HSD17B11: variants seen among roughly 807,000 people sequenced by gnomAD.
HSD17B11 encodes the protein estradiol 17-beta-dehydrogenase 11.
Under a neutral mutation model 27.8 loss-of-function variants are expected in HSD17B11, and 22 were observed. That is an observed-to-expected ratio of 0.79 (90% CI 0.56 to 1.13). The LOEUF (loss-of-function observed/expected upper bound fraction) is 1.13. Among genes scored for constraint, HSD17B11 ranks in the 50% most tolerant of loss-of-function variants. The pLI is 0.00. For missense variants in HSD17B11, 314 were observed against 351.1 expected (o/e 0.89, Z 0.84); for synonymous variants, 117 against 132.8 (o/e 0.88, Z 0.82).
intron 1 of HSD17B11, chr4:87,387,037 C>T (rs1367458950): frequency 6.6e-6 from 1 of 152,196 alleles, no homozygotes; most frequent in Non-Finnish European, 1.5e-5. Context: ...ATGCCCACCG[C>T]CAGAAGGTAC....
rs750104409 is a variant in HSD17B11 at position 87,340,515 on chromosome 4, T to C, written c.787A>G (p.Ile263Val). The C allele has an allele frequency of 6.2e-7, 1 of 1,607,694 alleles. No individual in the cohort carries two copies. Among genetic ancestry groups the C allele is most frequent in the Non-Finnish European group, 8.5e-7 (1 of 1,175,950 alleles). ...EQKMIFIPSS[I>V]AFLTTLERIL... ...CTTTCCAATGTTGTTAAAAAAGCTATAGAAGATGGAATAAAAATCATCTTC... is the reference window on the plus strand; with the variant it reads ...CTTTCCAATGTTGTTAAAAAAGCTACAGAAGATGGAATAAAAATCATCTTC... Residue 263 changes from isoleucine to valine, a missense_variant, in exon 6 of 7, where the codon ATA (isoleucine) becomes GTA (valine). Physicochemically the swap from Ile to Val is conservative, Grantham distance 29 (BLOSUM62 3). Transcript: ENST00000358290.
rs143537950 is a variant in HSD17B11 at position 87,390,399 on chromosome 4, G to A, written c.210+462C>T. Among the ~76,000 whole-genome samples, 832 of 152,240 alleles carry A rather than the reference G, an allele frequency of 5.5e-3. 8 individuals carry two copies. Among genetic ancestry groups the A allele is most frequent in the African/African-American group, 0.019 (805 of 41,540 alleles). ...TCTCGATCTCCTGACCTCGCGATCCGCCTGCCTTGGACTCCCAAAGTGCTG... is the reference window on the plus strand; with the variant it reads ...TCTCGATCTCCTGACCTCGCGATCCACCTGCCTTGGACTCCCAAAGTGCTG... On this transcript the variant is annotated intron_variant, in intron 1 of 6. Coordinates refer to ENST00000358290, the MANE Select transcript of HSD17B11 (RefSeq NM_016245.5).
intron 2 of HSD17B11, among the ~76,000 whole-genome samples, chr4:87,376,503 CAAAA>C (rs70957230): frequency 0.054 from 3,387 of 63,162 alleles, 109 homozygotes; most frequent in African/African-American, 0.15. Context: ...GATTTCATCT[CAAAA>C]AAAAAAAAAA....
chr4:87,337,057 C>A lies in HSD17B11; in HGVS notation c.*219G>T. 2 of 436,260 alleles carry A rather than the reference C, an allele frequency of 4.6e-6. No homozygotes were observed. The highest frequency in any genetic ancestry group is 4.0e-6 in the Non-Finnish European group (1 of 248,886). 27.0% of individuals were successfully genotyped at this position (436,260 alleles called of 1,614,324 possible). ...ATTTTGGTTCTTTTTCTTCATTTTCCTTAAAGTCACCTCTAAAGGTATTTC... is the reference window on the plus strand; with the variant it reads ...ATTTTGGTTCTTTTTCTTCATTTTCATTAAAGTCACCTCTAAAGGTATTTC... On this transcript the variant is annotated 3_prime_UTR_variant, in exon 7 of 7. Transcript: ENST00000358290.
At chr4:87,382,600 T>C (rs1416813349) in intron 1 of HSD17B11, among the ~76,000 whole-genome samples, 1 of 152,238 alleles carries the variant, frequency 6.6e-6, no homozygotes, top group Non-Finnish European at 1.5e-5. Context: ...AAGATAAAAA[T>C]CTTAAAATAC....
chr4:87,378,831 AATAT>A lies in HSD17B11; in HGVS notation c.318+3420_318+3423del, dbSNP rs370260155. ...TATATAAATATAAAATATATATATA[AATAT>A]ATATATATAAATATATATATAAATA... On this transcript the variant is annotated intron_variant, in intron 2 of 6. Transcript: ENST00000358290. Among the ~76,000 whole-genome samples the A allele has an allele frequency of 2.2e-3, 49 of 21,896 alleles. 4 individuals are homozygous for A. Among genetic ancestry groups the A allele is most frequent in the East Asian group, 4.7e-3 (12 of 2,566 alleles). The allele number at this position is 21,896 out of a possible 152,430, so 14.4% of individuals were successfully genotyped here. A position where few individuals can be genotyped will look rare whatever the true frequency, so the allele number is the denominator to read the frequency against.
intron 2 of HSD17B11, among the ~76,000 whole-genome samples, chr4:87,376,870 C>A (rs1444407575): frequency 1.3e-5 from 2 of 152,176 alleles, no homozygotes; most frequent in Non-Finnish European, 2.9e-5. Context: ...TGGCTCACAT[C>A]TATATTCCCA....
chr4:87,382,195 A>G, intron 2 of HSD17B11, 60 bp downstream of exon 2: 1 of 1,216,016 alleles, frequency 8.2e-7, no homozygotes, highest in South Asian at 1.2e-5. Context: ...AGACTGGGTC[A>G]TCTCCAAAAC....
intron 1 of HSD17B11, among the ~76,000 whole-genome samples, chr4:87,390,258 G>A (rs1560774030): frequency 6.6e-6 from 1 of 152,120 alleles, no homozygotes; most frequent in Non-Finnish European, 1.5e-5. Flanking sequence ...CGGGGTTCCC[G>A]CCATTCTCCT....
intron 4 of HSD17B11, chr4:87,365,839 A>G (rs917968376): frequency 2.0e-5 from 3 of 151,928 alleles, no homozygotes; most frequent in Non-Finnish European, 4.4e-5. Context: ...GTGAAAAAAA[A>G]AAAAAGATTT....
intron 5 of HSD17B11, among the ~76,000 whole-genome samples, chr4:87,345,463 C>G (rs1045460433): frequency 6.6e-6 from 1 of 151,596 alleles, no homozygotes; most frequent in African/African-American, 2.4e-5. Context: ...AAGATTGAAG[C>G]ACAAATGAAT....
At chr4:87,340,712 T>G in intron 5 of HSD17B11, 106 bp from the exon 6 acceptor site, 1 of 683,046 alleles carries the variant, frequency 1.5e-6, no homozygotes, top group Non-Finnish European at 2.6e-6. Context: ...ATAACATAAC[T>G]GATTTGTAGT....
At chr4:87,344,678 A>G (rs951063652) in intron 5 of HSD17B11, among the ~76,000 whole-genome samples, 3 of 152,242 alleles carry the variant, frequency 2.0e-5, no homozygotes, top group African/African-American at 7.2e-5. Context: ...CACCATCCCA[A>G]CAACAGCAGA....
chr4:87,355,059 G>C, intron 5 of HSD17B11, among the ~76,000 whole-genome samples: 1 of 151,724 alleles, frequency 6.6e-6, no homozygotes, highest in East Asian at 1.9e-4. Context: ...AGGTTACAGT[G>C]AGCCATGATC....
intron 2 of HSD17B11, among the ~76,000 whole-genome samples, chr4:87,381,432 C>A (rs930063407): frequency 6.6e-6 from 1 of 152,032 alleles, no homozygotes; most frequent in Admixed American, 6.6e-5. Flanking sequence ...CAGCACATCT[C>A]AATTGTATCT....
chr4:87,367,432 A>T (rs1735631794), intron 4 of HSD17B11, among the ~76,000 whole-genome samples: 1 of 152,142 alleles, frequency 6.6e-6, no homozygotes, highest in Non-Finnish European at 1.5e-5. Context: ...AAGGGTACAA[A>T]CCCATGGCAG....
At chr4:87,343,392 A>G (rs1383169531) in intron 5 of HSD17B11, among the ~76,000 whole-genome samples, 2 of 152,104 alleles carry the variant, frequency 1.3e-5, no homozygotes, top group Non-Finnish European at 2.9e-5. Flanking sequence ...CTATCCAAAA[A>G]CACTTCAAGC....
intron 4 of HSD17B11, among the ~76,000 whole-genome samples, chr4:87,360,700 C>T (rs1453546639): frequency 6.6e-6 from 1 of 152,182 alleles, no homozygotes; most frequent in Non-Finnish European, 1.5e-5. Context: ...ATCTGGCCAT[C>T]AGAGGAAGAC....
intron 4 of HSD17B11, among the ~76,000 whole-genome samples, chr4:87,358,001 A>G (rs1459185733): frequency 2.4e-4 from 25 of 104,644 alleles, no homozygotes; most frequent in Non-Finnish European, 3.2e-4. Flanking sequence ...TTGCTCTGTC[A>G]CCCAGGCTGG....
Sources: gnomAD v4.1 joint callset for allele counts (sites outside exome capture counted in the v4.1 genomes callset) on GRCh38, gnomAD v4.1.1 for gene constraint, MANE v1.5 for transcripts, NCBI Gene and HGNC (gene_info 2026-07-23, HGNC 2026-07-21) for gene names.